APOO: variants seen among roughly 807,000 people sequenced by gnomAD.
APOO encodes the protein apolipoprotein O.
In APOO, 11 loss-of-function variants were observed where a neutral mutation model predicts 23.1. The observed-to-expected ratio is 0.48, with a 90% confidence interval of 0.30 to 0.79. The LOEUF is 0.79. APOO is among the 30% of genes least tolerant of loss of function. The probability of loss-of-function intolerance (pLI) is 0.07; values close to 1 mark genes in which losing one functional copy is unlikely to be tolerated. For synonymous variants in APOO, 59 were observed against 54.8 expected (o/e 1.08, Z -0.34); for missense variants, 160 against 142.7 (o/e 1.12, Z -0.62).
intron 7 of APOO, among the ~76,000 whole-genome samples, chrX:23,848,608 G>A (rs1315719698): frequency 1.8e-5 from 2 of 111,229 alleles, no homozygotes; most frequent in African/African-American, 3.3e-5. Context: ...TAGTAGATAA[G>A]AGAAGGGGTT....
chrX:23,903,237 C>T (rs964827747), intron 1 of APOO, among the ~76,000 whole-genome samples: 4 of 110,465 alleles, frequency 3.6e-5, no homozygotes, highest in African/African-American at 9.9e-5. Flanking sequence ...GGCATGGTGG[C>T]GCGCACCTGT....
At chrX:23,840,625 A>G in intron 7 of APOO, 1 of 260,989 alleles carries the variant, frequency 3.8e-6, no homozygotes, top group Non-Finnish European at 6.7e-6. Flanking sequence ...AGTAAATTGA[A>G]GAAGTTACTA....
intron 7 of APOO, among the ~76,000 whole-genome samples, chrX:23,855,501 A>C (rs1398815521): frequency 9.0e-6 from 1 of 111,218 alleles, no homozygotes; most frequent in Non-Finnish European, 1.9e-5. Flanking sequence ...TTTTTTTAAA[A>C]AGTATTTTCA....
intron 1 of APOO, among the ~76,000 whole-genome samples, chrX:23,885,453 G>A (rs1356358242): frequency 9.4e-6 from 1 of 106,451 alleles, no homozygotes; most frequent in Non-Finnish European, 1.9e-5. Flanking sequence ...CAGAGACAGG[G>A]TCTCATCATG....
chrX:23,886,952 C>A (rs368491107), intron 1 of APOO, among the ~76,000 whole-genome samples: 4 of 111,254 alleles, frequency 3.6e-5, no homozygotes, highest in African/African-American at 1.3e-4. Flanking sequence ...TGTAAGGGCA[C>A]AAAGAGGAGA....
At chrX:23,892,284 C>T (rs1280412335) in intron 1 of APOO, among the ~76,000 whole-genome samples, 1 of 105,590 alleles carries the variant, frequency 9.5e-6, no homozygotes, top group Non-Finnish European at 1.9e-5. Context: ...CGGAGTCTCG[C>T]ACTGTCGCCC....
At position 23,860,831 on chromosome X, in the gene APOO, T is replaced by C. The variant is rs116699291; in HGVS notation, c.389-2098A>G. On this transcript the variant is annotated intron_variant, in intron 5 of 8. Transcript: ENST00000379226. The stretch of plus-strand genomic sequence containing the variant: ...GCCAGTACGCCCAGCCCCCCATCTC[T>C]ATTCCTTTAAAAAAAAAAAAAAAAT... Among the ~76,000 whole-genome samples, 593 of 95,204 alleles carry C rather than the reference T, an allele frequency of 6.2e-3. 9 individuals are homozygous for C. The highest frequency in any genetic ancestry group is 0.021 in the African/African-American group (565 of 26,672). 82.7% of individuals were successfully genotyped at this position (95,204 alleles called of 115,157 possible). A position where few individuals can be genotyped will look rare whatever the true frequency, so the allele number is the denominator to read the frequency against.
chrX:23,877,975 A>C (rs1254474199), intron 3 of APOO, among the ~76,000 whole-genome samples: 1 of 111,855 alleles, frequency 8.9e-6, no homozygotes, highest in African/African-American at 3.2e-5. Flanking sequence ...AAAATCACAG[A>C]AATACTTTTC....
chrX:23,863,284 G>A (rs6526353), intron 5 of APOO, among the ~76,000 whole-genome samples: 51,549 of 110,985 alleles, frequency 0.46, 10,468 homozygotes, highest in African/African-American at 0.79. Flanking sequence ...TGCAGTGAGC[G>A]GAGATTGTGA....
chrX:23,840,305 T>G lies in APOO; in HGVS notation c.*29+8A>C, dbSNP rs193249977. 2 of 1,145,730 alleles carry G rather than the reference T, an allele frequency of 1.7e-6. No individual in the cohort carries two copies. Among genetic ancestry groups the G allele is most frequent in the East Asian group, 6.3e-5 (2 of 31,834 alleles). 94.4% of individuals were successfully genotyped at this position (1,145,730 alleles called of 1,213,427 possible). A position where few individuals can be genotyped will look rare whatever the true frequency, so the allele number is the denominator to read the frequency against. ...TGAAAATAATCACAGAAATTTCTTG[T>G]TTTTTACCTGATTAAGATGGCAGAG... On this transcript the variant is annotated splice_region_variant and intron_variant, in intron 8 of 8. Coordinates refer to ENST00000379226, the MANE Select transcript of APOO (RefSeq NM_024122.5).
chrX:23,901,094 G>A (rs750986653), intron 1 of APOO, among the ~76,000 whole-genome samples: 1 of 111,961 alleles, frequency 8.9e-6, no homozygotes, highest in Admixed American at 9.5e-5. Context: ...CTAGTAACAT[G>A]GTAAGAAAAT....
At chrX:23,884,147 C>T (rs960893717) in intron 1 of APOO, 2 of 110,959 alleles carry the variant, frequency 1.8e-5, no homozygotes, top group African/African-American at 6.6e-5. Context: ...ACATAAAAGT[C>T]CTAGGTAATA....
intron 8 of APOO, among the ~76,000 whole-genome samples, chrX:23,837,670 T>A (rs1263449446): frequency 2.8e-4 from 30 of 108,350 alleles, no homozygotes; most frequent in African/African-American, 1.0e-3. Flanking sequence ...ATATATATAT[T>A]TGTTTTTGAG....
rs747431777 is a variant in APOO at position 23,868,532 on chromosome X, G to A, written c.388+61C>T. 21 of 959,015 alleles carry A rather than the reference G, an allele frequency of 2.2e-5. No individual in the cohort carries two copies. The South Asian group carries it at 5.2e-4, about 24-fold the overall frequency. 79.0% of individuals were successfully genotyped at this position (959,015 alleles called of 1,213,427 possible). A position where few individuals can be genotyped will look rare whatever the true frequency, so the allele number is the denominator to read the frequency against. On this transcript the variant is annotated intron_variant, in intron 5 of 8. Transcript: ENST00000379226. ...AACCTGGTAAATGAAGGGAAAGAAT[G>A]AAACATATATTCTATCTCTGCTTTA... is the stretch of plus-strand genomic sequence containing the variant.
intron 1 of APOO, among the ~76,000 whole-genome samples, chrX:23,886,380 T>C (rs1010866196): frequency 1.8e-5 from 2 of 111,690 alleles, no homozygotes; most frequent in African/African-American, 6.5e-5. Context: ...ACAATCTTGA[T>C]TGGGGTATGG....
At chrX:23,847,834 C>T (rs957855103) in intron 7 of APOO, among the ~76,000 whole-genome samples, 1 of 103,820 alleles carries the variant, frequency 9.6e-6, no homozygotes, top group African/African-American at 3.5e-5. Flanking sequence ...CACACACACA[C>T]ATATATATCC....
intron 3 of APOO, among the ~76,000 whole-genome samples, chrX:23,876,218 G>A (rs1438670321): frequency 9.1e-6 from 1 of 110,066 alleles, no homozygotes; most frequent in Non-Finnish European, 1.9e-5. Flanking sequence ...AGCCGAGATC[G>A]CGCCACTGCA....
In APOO at chrX:23,880,953, C is replaced by A; in HGVS notation, c.10-1G>T. 1 of 1,159,407 alleles carries A rather than the reference C, an allele frequency of 8.6e-7. No individual in the cohort carries two copies. ...CTGGCCCCACGGACCTCTGAATTAC[C>A]TGAAATGCAGAAGCAATCTTAAACC... On this transcript the variant is annotated splice_acceptor_variant, in intron 1 of 8. Transcript: ENST00000379226. LOFTEE classifies it high-confidence loss of function.
intron 1 of APOO, among the ~76,000 whole-genome samples, chrX:23,905,069 T>C (rs2428142): frequency 0.5 from 54,419 of 108,866 alleles, 12,779 homozygotes; most frequent in Non-Finnish European, 0.71. Flanking sequence ...TGATCTTTTC[T>C]ACCCAAAGTA....
Sources: allele counts gnomAD v4.1 joint callset (sites outside exome capture counted in the v4.1 genomes callset), GRCh38; gene constraint gnomAD v4.1.1; transcripts MANE v1.5; gene names NCBI Gene and HGNC (gene_info 2026-07-23, HGNC 2026-07-21).